Variants in ZNF804B observed in about 807,000 individuals in gnomAD.
ZNF804B encodes zinc finger protein 804B.
Under a neutral mutation model 101.4 loss-of-function variants are expected in ZNF804B, and 80 were observed. The ratio of observed to expected loss-of-function variants is 0.79; its 90% CI spans 0.66 to 0.95. The LOEUF (loss-of-function observed/expected upper bound fraction) is 0.95. Among genes scored for constraint, ZNF804B ranks in the 40% least tolerant of loss-of-function variants. The pLI is 0.00. For synonymous variants in ZNF804B, 622 were observed against 558.8 expected, an observed-to-expected ratio of 1.11 and a Z score of -1.59; for missense variants, 1,673 against 1,561.9, an observed-to-expected ratio of 1.07 and a Z score of -1.20.
intron 1 of ZNF804B, among the ~76,000 whole-genome samples, chr7:89,085,531 G>T (rs1365523876): frequency 1.3e-5 from 2 of 151,774 alleles, no homozygotes; most frequent in African/African-American, 4.8e-5. Flanking sequence ...CCATGGAACC[G>T]TGGTTAATTG....
intron 2 of ZNF804B, among the ~76,000 whole-genome samples, chr7:89,269,119 T>A (rs1789843916): frequency 6.6e-6 from 1 of 152,086 alleles, no homozygotes; most frequent in Non-Finnish European, 1.5e-5. Flanking sequence ...AACATGCAGG[T>A]TTGTTATATA....
rs1793514676 is a variant in ZNF804B, at chr7:88,970,350, C to CA, written c.108+210266_108+210267insA. Among the ~76,000 whole-genome samples the CA allele has an allele frequency of 2.1e-5, 3 of 145,946 alleles. No individual in the cohort carries two copies. In the Admixed American group the frequency reaches 2.1e-4, roughly 10 times the overall value. ...ATTAGCTATTTATTCTGATGCCCCCCCCCCACCCCCACAACCCTCTACACT... is the reference window on the plus strand; with the variant it reads ...ATTAGCTATTTATTCTGATGCCCCCCACCCCACCCCCACAACCCTCTACACT... On this transcript the variant is annotated intron_variant, in intron 1 of 3. Transcript: ENST00000333190.
chr7:89,053,450 T>A (rs1370160608), intron 1 of ZNF804B, among the ~76,000 whole-genome samples: 1 of 152,130 alleles, frequency 6.6e-6, no homozygotes, highest in Non-Finnish European at 1.5e-5. Context: ...AATTTTTTCT[T>A]GAGCTATTCA....
At chr7:88,842,351 C>G (rs76704008) in intron 1 of ZNF804B, among the ~76,000 whole-genome samples, 2 of 152,166 alleles carry the variant, frequency 1.3e-5, no homozygotes, top group African/African-American at 4.8e-5. Context: ...CAGAAACCAG[C>G]TCTCCCATGA....
intron 1 of ZNF804B, among the ~76,000 whole-genome samples, chr7:88,835,677 G>A (rs1422989283): frequency 6.6e-6 from 1 of 151,798 alleles, no homozygotes; most frequent in Admixed American, 6.6e-5. Flanking sequence ...TTCGATAGTA[G>A]ATATTTGCTT....
chr7:89,270,643 A>G (rs1789878220), intron 2 of ZNF804B, among the ~76,000 whole-genome samples: 1 of 152,200 alleles, frequency 6.6e-6, no homozygotes, highest in Non-Finnish European at 1.5e-5. Context: ...TTGAATCTAT[A>G]AATTACCTTG....
intron 1 of ZNF804B, among the ~76,000 whole-genome samples, chr7:89,203,445 A>G (rs923424516): frequency 2.0e-5 from 3 of 152,134 alleles, no homozygotes; most frequent in African/African-American, 4.8e-5. Flanking sequence ...TGGCCCTTGT[A>G]AATATCTTTC....
chr7:89,052,177 A>G (rs1214433680), intron 1 of ZNF804B, among the ~76,000 whole-genome samples: 1 of 151,990 alleles, frequency 6.6e-6, no homozygotes, highest in Non-Finnish European at 1.5e-5. Flanking sequence ...TCAGTCCGTC[A>G]CCAAGGCTGG....
intron 1 of ZNF804B, among the ~76,000 whole-genome samples, chr7:88,988,361 C>T (rs1473844217): frequency 6.6e-6 from 1 of 152,084 alleles, no homozygotes; most frequent in African/African-American, 2.4e-5. Flanking sequence ...TGAGCATTAT[C>T]ATCTGACTTG....
intron 1 of ZNF804B, among the ~76,000 whole-genome samples, chr7:88,826,483 G>T (rs1326827093): frequency 6.6e-6 from 1 of 152,044 alleles, no homozygotes; most frequent in Non-Finnish European, 1.5e-5. Context: ...TATTTTAGTG[G>T]CTAGGCACAA....
intron 1 of ZNF804B, among the ~76,000 whole-genome samples, chr7:88,995,777 G>A (rs936038727): frequency 6.6e-6 from 1 of 152,048 alleles, no homozygotes; most frequent in Non-Finnish European, 1.5e-5. Context: ...TTGAGCATTA[G>A]TAGTGATAAA....
intron 1 of ZNF804B, among the ~76,000 whole-genome samples, chr7:88,889,888 T>C (rs148055718): frequency 3.7e-4 from 56 of 152,288 alleles, no homozygotes; most frequent in African/African-American, 1.3e-3. Context: ...GCTTTTCTTC[T>C]AGGATTTTTA....
chr7:89,063,506 A>G (rs1029142105), intron 1 of ZNF804B, among the ~76,000 whole-genome samples: 1 of 152,180 alleles, frequency 6.6e-6, no homozygotes, highest in Non-Finnish European at 1.5e-5. Context: ...ACTCACAGGA[A>G]GAAGTTTCAT....
chr7:89,052,001 A>T (rs1187584331), intron 1 of ZNF804B, among the ~76,000 whole-genome samples: 2 of 152,118 alleles, frequency 1.3e-5, no homozygotes, highest in Non-Finnish European at 2.9e-5. Context: ...GAACTTTGGG[A>T]TATCTTTCAT....
chr7:88,912,469 A>G (rs1792563145), intron 1 of ZNF804B, among the ~76,000 whole-genome samples: 1 of 152,126 alleles, frequency 6.6e-6, no homozygotes, highest in African/African-American at 2.4e-5. Context: ...TTTCTTGTAT[A>G]ATTAGTGTCA....
intron 2 of ZNF804B, among the ~76,000 whole-genome samples, chr7:89,234,687 C>A (rs1056172148): frequency 1.3e-5 from 2 of 152,178 alleles, no homozygotes; most frequent in Admixed American, 1.3e-4. Context: ...TTTCTCTCTC[C>A]CCATTCCATA....
Position 88,893,399 on chromosome 7 carries a change from A to G in ZNF804B, c.108+133315A>G, listed in dbSNP as rs553029264. Among the ~76,000 whole-genome samples the G allele has an allele frequency of 1.4e-4, 22 of 152,214 alleles. No individual in the cohort carries two copies. In the South Asian group the frequency reaches 4.6e-3, roughly 32 times the overall value. On this transcript the variant is annotated intron_variant, in intron 1 of 3. Coordinates refer to ENST00000333190, the MANE Select transcript of ZNF804B (RefSeq NM_181646.5). ...ATTGAAATATGAACCCATTATTTAT[A>G]TAAACCCTTTAAAATTATTTTAAAA...
rs540324003 is a variant in ZNF804B at position 89,112,468 on chromosome 7, A to G, written c.109-105687A>G. 3.0e-4 allele frequency among the ~76,000 whole-genome samples: 45 copies of G among 152,214 alleles called. 1 individual carries two copies. The South Asian group carries it at 7.7e-3, about 26-fold the overall frequency. The stretch of plus-strand genomic sequence containing the variant: ...ATTTCTGGGCTCTCTATTTTGTTCA[A>G]TTGATCTATTTGTCTGTTCTTTTGC... On this transcript the variant is annotated intron_variant, in intron 1 of 3. Transcript: ENST00000333190.
chr7:88,957,110 A>C (rs952119809), intron 1 of ZNF804B, among the ~76,000 whole-genome samples: 1 of 151,512 alleles, frequency 6.6e-6, no homozygotes, highest in Non-Finnish European at 1.5e-5. Context: ...TTTGTGACTC[A>C]GCATTAATAT....
Sources: gnomAD v4.1 joint callset for allele counts (sites outside exome capture counted in the v4.1 genomes callset) on GRCh38, gnomAD v4.1.1 for gene constraint, MANE v1.5 for transcripts, NCBI Gene and HGNC (gene_info 2026-07-23, HGNC 2026-07-21) for gene names.